AFF1: variants seen among roughly 807,000 people sequenced by gnomAD.
AFF1 encodes ALF transcription elongation factor 1.
A neutral mutation model predicts 121.7 loss-of-function variants in AFF1; 48 were observed. That is an observed-to-expected ratio of 0.39 (90% CI 0.31 to 0.50). The LOEUF is 0.50. AFF1 is among the 20% of genes least tolerant of loss of function. The probability of loss-of-function intolerance (pLI) is 0.76; values close to 1 mark genes in which losing one functional copy is unlikely to be tolerated. For missense variants in AFF1, 1,523 were observed against 1,511.7 expected (o/e 1.01, Z -0.12); for synonymous variants, 613 against 563.0 (o/e 1.09, Z -1.26).
chr4:87,026,019 C>T (rs1386733342), intron 2 of AFF1, among the ~76,000 whole-genome samples: 2 of 150,272 alleles, frequency 1.3e-5, no homozygotes, highest in Non-Finnish European at 2.9e-5. Context: ...TAGGAAGTGG[C>T]AGAGCCTAGG....
At chr4:87,052,633 T>C (rs577963706) in intron 4 of AFF1, among the ~76,000 whole-genome samples, 15 of 152,178 alleles carry the variant, frequency 9.9e-5, no homozygotes, top group South Asian at 6.2e-4. Context: ...ACTTTTTTTT[T>C]TTCTTTTTAA....
At chr4:86,993,718 A>G (rs529562385) in intron 2 of AFF1, among the ~76,000 whole-genome samples, 95 of 152,036 alleles carry the variant, frequency 6.2e-4, no homozygotes, top group Non-Finnish European at 1.2e-3. Context: ...TAATCCCAGC[A>G]TTTTGGGAGG....
At chr4:87,026,977 C>T (rs939050836) in intron 2 of AFF1, among the ~76,000 whole-genome samples, 11 of 152,046 alleles carry the variant, frequency 7.2e-5, no homozygotes, top group African/African-American at 2.2e-4. Flanking sequence ...AATGTGATTC[C>T]GGTGGTTTCT....
At chr4:87,133,506 A>C (rs1388948828) in intron 19 of AFF1, among the ~76,000 whole-genome samples, 1 of 152,260 alleles carries the variant, frequency 6.6e-6, no homozygotes, top group Non-Finnish European at 1.5e-5. Flanking sequence ...TGGCTGCTGC[A>C]TTGAGATATT....
At chr4:87,135,016 A>G (rs1219613583) in intron 20 of AFF1, among the ~76,000 whole-genome samples, 1 of 152,364 alleles carries the variant, frequency 6.6e-6, no homozygotes, top group South Asian at 2.1e-4. Context: ...AATGAAGAAG[A>G]GGAGCCACTG....
At chr4:87,030,243 G>C (rs1469623589) in intron 2 of AFF1, among the ~76,000 whole-genome samples, 1 of 152,206 alleles carries the variant, frequency 6.6e-6, no homozygotes, top group Non-Finnish European at 1.5e-5. Flanking sequence ...AGGCTTTGCA[G>C]CCCACGCGGT....
intron 2 of AFF1, among the ~76,000 whole-genome samples, chr4:87,040,636 G>C (rs1018371158): frequency 6.6e-6 from 1 of 150,934 alleles, no homozygotes; most frequent in Non-Finnish European, 1.5e-5. Context: ...GCGCAATCTC[G>C]GCTCACAGCA....
chr4:87,026,061 C>T (rs1467795780), intron 2 of AFF1, among the ~76,000 whole-genome samples: 29 of 109,740 alleles, frequency 2.6e-4, no homozygotes, highest in South Asian at 6.1e-4. Context: ...AGAGACCATG[C>T]TTTTTTTTTT....
intron 7 of AFF1, 94 bp downstream of exon 7, chr4:87,091,923 G>A (rs1334763748): frequency 1.2e-6 from 1 of 800,004 alleles, no homozygotes; most frequent in East Asian, 2.9e-5. Context: ...CCCCAGCAGA[G>A]ATGAGGCCTT....
chr4:87,000,541 C>A (rs979794946), intron 2 of AFF1, among the ~76,000 whole-genome samples: 1 of 151,292 alleles, frequency 6.6e-6, no homozygotes, highest in African/African-American at 2.4e-5. Context: ...GGGGTATAAT[C>A]CTTTGCAACT....
rs143493737 is a variant in AFF1, at chr4:87,025,533, C to T, written c.39-20633C>T. On this transcript the variant is annotated intron_variant, in intron 2 of 20. Coordinates refer to ENST00000395146, the MANE Select transcript of AFF1 (RefSeq NM_001166693.3). ...TCCCAGTAGAGAAGTAACACAGTGA[C>T]TTTGGGAATATTTCTCATTCTCTAC... is the stretch of plus-strand genomic sequence containing the variant. Among the ~76,000 whole-genome samples the T allele has an allele frequency of 4.6e-5, 7 of 152,282 alleles. No individual in the cohort carries two copies. The East Asian group carries it at 1.2e-3, about 25-fold the overall frequency.
At chr4:87,016,940 A>C (rs74939203) in intron 2 of AFF1, among the ~76,000 whole-genome samples, 3 of 152,072 alleles carry the variant, frequency 2.0e-5, no homozygotes, top group Admixed American at 6.5e-5. Context: ...ACCATGTATC[A>C]GTGGTTCTAT....
At chr4:86,994,588 C>T (rs1724970308) in intron 2 of AFF1, among the ~76,000 whole-genome samples, 1 of 152,212 alleles carries the variant, frequency 6.6e-6, no homozygotes, top group African/African-American at 2.4e-5. Flanking sequence ...TTGGTTTTGG[C>T]TGCCTTTCTG....
chr4:87,007,386 C>A (rs1399741022), intron 2 of AFF1: 1 of 1,613,986 alleles, frequency 6.2e-7, no homozygotes, highest in Non-Finnish European at 8.5e-7. Flanking sequence ...GACGGAAGAC[C>A]CCTGGCTCTA....
At chr4:87,017,168 TG>T (rs1727388650) in intron 2 of AFF1, among the ~76,000 whole-genome samples, 6 of 151,696 alleles carry the variant, frequency 4.0e-5, no homozygotes, top group South Asian at 4.2e-4. Context: ...GATAGTTTTT[TG>T]TTTGACTTTT....
At position 87,065,325 on chromosome 4, in the gene AFF1, C is replaced by T. The variant is rs148734555; in HGVS notation, c.1059+17731C>T. Among the ~76,000 whole-genome samples, 689 of 152,178 alleles carry T rather than the reference C, an allele frequency of 4.5e-3. 1 individual carries two copies. The highest frequency in any genetic ancestry group is 0.015 in the African/African-American group (618 of 41,506). ...GAGACTCACTGTTACAAGAACAGCA[C>T]GGGAAAGACCTGCCCCCATGATCGA... On this transcript the variant is annotated intron_variant, in intron 4 of 20. Coordinates refer to ENST00000395146, the MANE Select transcript of AFF1 (RefSeq NM_001166693.3).
At chr4:87,116,831 GGTGTGTGT>G (rs70957208) in intron 12 of AFF1, among the ~76,000 whole-genome samples, 1 of 151,064 alleles carries the variant, frequency 6.6e-6, no homozygotes, top group Admixed American at 6.6e-5. Context: ...GATGGGGTGG[GGTGTGTGT>G]GTGTGTGTAT....
intron 2 of AFF1, among the ~76,000 whole-genome samples, chr4:86,987,691 T>C (rs1296534619): frequency 6.6e-6 from 1 of 152,208 alleles, no homozygotes; most frequent in African/African-American, 2.4e-5. Context: ...ACAGTGGTCA[T>C]GCCTGTAATC....
At chr4:86,954,395 T>C (rs1578840575) in intron 2 of AFF1, among the ~76,000 whole-genome samples, 1 of 152,330 alleles carries the variant, frequency 6.6e-6, no homozygotes, top group East Asian at 1.9e-4. Context: ...TAGTGTATTC[T>C]TACAATAAAG....
Sources: allele counts gnomAD v4.1 joint callset (sites outside exome capture counted in the v4.1 genomes callset), GRCh38; gene constraint gnomAD v4.1.1; transcripts MANE v1.5; gene names NCBI Gene and HGNC (gene_info 2026-07-23, HGNC 2026-07-21).